Variants in C1QTNF3 observed in about 807,000 individuals in gnomAD.
The protein encoded by C1QTNF3 is complement C1q tumor necrosis factor-related protein 3.
In C1QTNF3, 26 loss-of-function variants were observed where a neutral mutation model predicts 32.6. The observed-to-expected ratio is 0.80, with a 90% CI of 0.58 to 1.11. C1QTNF3 has a LOEUF of 1.11. C1QTNF3 is among the 50% of genes least tolerant of loss of function. C1QTNF3 has a pLI of 0.00. For synonymous variants in C1QTNF3, 155 were observed against 146.0 expected, an observed-to-expected ratio of 1.06 and a Z score of -0.44; for missense variants, 362 against 398.2, an observed-to-expected ratio of 0.91 and a Z score of 0.77.
At chr5:34,130,747 G>C in the C1QTNF3 span, among the ~76,000 whole-genome samples, 1 of 152,244 alleles carries the variant, frequency 6.6e-6, no homozygotes, top group Non-Finnish European at 1.5e-5. Context: ...AGCTACAGTG[G>C]TAGACTGAGT....
the C1QTNF3 span, among the ~76,000 whole-genome samples, chr5:34,064,455 T>C: frequency 3.3e-5 from 5 of 152,300 alleles, no homozygotes; most frequent in South Asian, 2.1e-4. Flanking sequence ...GTGAGTGTTA[T>C]AGCTCTATTA....
upstream of C1QTNF3, among the ~76,000 whole-genome samples, chr5:34,045,435 A>G (rs945037663): frequency 1.1e-4 from 17 of 152,226 alleles, no homozygotes; most frequent in Non-Finnish European, 1.6e-4. Context: ...ATCCAGGGTT[A>G]GGAATCACTG....
chr5:34,141,464 C>T, the C1QTNF3 span, among the ~76,000 whole-genome samples: 3 of 152,092 alleles, frequency 2.0e-5, no homozygotes, highest in African/African-American at 7.2e-5. Context: ...CTGTTTCATG[C>T]TTTTCCCATT....
chr5:34,218,704 T>TA, the C1QTNF3 span, among the ~76,000 whole-genome samples: 2 of 152,216 alleles, frequency 1.3e-5, no homozygotes, highest in South Asian at 4.1e-4. Flanking sequence ...TGATAATAAA[T>TA]AAGAGTTCCT....
chr5:34,202,874 T>C, the C1QTNF3 span, among the ~76,000 whole-genome samples: 1 of 152,022 alleles, frequency 6.6e-6, no homozygotes, highest in Non-Finnish European at 1.5e-5. Context: ...AGTTTCTTCA[T>C]CTGCAACATA....
At chr5:34,124,526 C>T in the C1QTNF3 span, 2 of 696,294 alleles carry the variant, frequency 2.9e-6, no homozygotes, top group East Asian at 5.5e-5. Context: ...AGGCACTACT[C>T]ACCTGTAAAC....
At chr5:34,048,849 A>G in the C1QTNF3 span, among the ~76,000 whole-genome samples, 3 of 152,196 alleles carry the variant, frequency 2.0e-5, no homozygotes, top group Non-Finnish European at 4.4e-5. Context: ...AGACAACAAC[A>G]TAAAACCTGA....
the C1QTNF3 span, among the ~76,000 whole-genome samples, chr5:34,069,738 T>C: frequency 6.6e-6 from 1 of 152,152 alleles, no homozygotes; most frequent in African/African-American, 2.4e-5. Context: ...CATACAGACA[T>C]AGGTAAGCAA....
the C1QTNF3 span, among the ~76,000 whole-genome samples, chr5:34,083,291 GT>G: frequency 1.3e-5 from 2 of 151,536 alleles, no homozygotes; most frequent in Admixed American, 6.6e-5. Context: ...CACTTAATTA[GT>G]AAAGGCGATT....
chr5:34,138,274 T>C, the C1QTNF3 span, among the ~76,000 whole-genome samples: 1 of 152,218 alleles, frequency 6.6e-6, no homozygotes, highest in Non-Finnish European at 1.5e-5. Flanking sequence ...ATTAAAATTA[T>C]CTTAACAAGC....
At chr5:34,028,568 C>T (rs1056341399) in intron 4 of C1QTNF3, among the ~76,000 whole-genome samples, 186 bp downstream of exon 4, 2 of 152,116 alleles carry the variant, frequency 1.3e-5, no homozygotes, top group African/African-American at 4.8e-5. Flanking sequence ...TCTAAATGAG[C>T]TGTTTGGTTT....
intron 1 of C1QTNF3, among the ~76,000 whole-genome samples, chr5:34,036,814 T>C (rs1488404520): frequency 6.6e-6 from 1 of 152,132 alleles, no homozygotes; most frequent in Non-Finnish European, 1.5e-5. Context: ...TAGCCAGGCA[T>C]GCTGGTGCAT....
At chr5:34,033,560 C>G in intron 2 of C1QTNF3, 102 bp from the exon 3 acceptor site, 1 of 1,439,356 alleles carries the variant, frequency 6.9e-7, no homozygotes, top group Non-Finnish European at 9.7e-7. Flanking sequence ...GGGGACCATT[C>G]AGAATAATCC....
At chr5:34,164,093 GCC>G in the C1QTNF3 span, among the ~76,000 whole-genome samples, 50 of 152,154 alleles carry the variant, frequency 3.3e-4, no homozygotes, top group East Asian at 7.3e-3. Flanking sequence ...GAAAAAAATA[GCC>G]TATTCAATTA....
the C1QTNF3 span, among the ~76,000 whole-genome samples, chr5:34,176,856 C>A: frequency 1.3e-4 from 20 of 148,232 alleles, no homozygotes; most frequent in South Asian, 3.5e-3. Context: ...GACCCTATCT[C>A]ATGAATGAAT....
chr5:34,102,293 A>G, the C1QTNF3 span, among the ~76,000 whole-genome samples: 4 of 152,172 alleles, frequency 2.6e-5, no homozygotes, highest in Non-Finnish European at 4.4e-5. Context: ...GTTTACACAC[A>G]TAAGTTTTTT....
At chr5:34,040,169 T>A (rs940913826) in intron 1 of C1QTNF3, among the ~76,000 whole-genome samples, 4 of 152,242 alleles carry the variant, frequency 2.6e-5, no homozygotes, top group African/African-American at 9.6e-5. Context: ...TGTAGGTAGT[T>A]GCTATTTATG....
the C1QTNF3 span, among the ~76,000 whole-genome samples, chr5:34,213,773 ACGTG>A: frequency 3.8e-4 from 22 of 57,298 alleles, no homozygotes; most frequent in Non-Finnish European, 5.0e-4. Flanking sequence ...ACACACACAT[ACGTG>A]TATATATACA....
At chr5:34,234,796 C>T in the C1QTNF3 span, among the ~76,000 whole-genome samples, 1 of 152,082 alleles carries the variant, frequency 6.6e-6, no homozygotes, top group Non-Finnish European at 1.5e-5. Context: ...TCTTATTCTC[C>T]ATGCCTCCAT....
Sources: allele counts gnomAD v4.1 joint callset (sites outside exome capture counted in the v4.1 genomes callset), GRCh38; gene constraint gnomAD v4.1.1; transcripts MANE v1.5; gene names NCBI Gene and HGNC (gene_info 2026-07-23, HGNC 2026-07-21).